Variants in ACSBG1 observed in about 807,000 individuals in gnomAD.
ACSBG1 encodes the protein long-chain-fatty-acid--CoA ligase ACSBG1.
Under a neutral mutation model 80.2 loss-of-function variants are expected in ACSBG1, and 39 were observed. That is an observed-to-expected ratio of 0.49 (90% confidence interval 0.38 to 0.64). ACSBG1 has a LOEUF of 0.64. ACSBG1 is among the 30% of genes least tolerant of loss of function. The probability of loss-of-function intolerance (pLI) is 0.00; values close to 1 mark genes in which losing one functional copy is unlikely to be tolerated. For synonymous variants in ACSBG1, 392 were observed against 379.5 expected, an observed-to-expected ratio of 1.03 and a Z score of -0.38; for missense variants, 828 against 966.4, an observed-to-expected ratio of 0.86 and a Z score of 1.90.
intron 1 of ACSBG1, among the ~76,000 whole-genome samples, chr15:78,232,526 A>T (rs35078436): frequency 0.18 from 27,496 of 152,016 alleles, 2,718 homozygotes; most frequent in African/African-American, 0.25. Context: ...GGCCTGAGAC[A>T]CAGGCTCCTG....
intron 1 of ACSBG1, among the ~76,000 whole-genome samples, chr15:78,209,907 C>A (rs961675538): frequency 6.6e-6 from 1 of 152,176 alleles, no homozygotes; most frequent in African/African-American, 2.4e-5. Context: ...TTTAAATCCT[C>A]CTAATCAAAA....
At chr15:78,222,749 A>G (rs1284649052) in intron 1 of ACSBG1, among the ~76,000 whole-genome samples, 1 of 152,242 alleles carries the variant, frequency 6.6e-6, no homozygotes, top group Non-Finnish European at 1.5e-5. Flanking sequence ...GGAAACTGAT[A>G]GAAATGATAA....
intron 5 of ACSBG1, among the ~76,000 whole-genome samples, chr15:78,184,579 A>G (rs28413000): frequency 0.043 from 6,525 of 152,310 alleles, 236 homozygotes; most frequent in African/African-American, 0.098. Flanking sequence ...ATTTTAAGGT[A>G]AAATAAAAGA....
At chr15:78,226,282 C>T (rs919458227) in intron 1 of ACSBG1, among the ~76,000 whole-genome samples, 1 of 152,048 alleles carries the variant, frequency 6.6e-6, no homozygotes, top group Non-Finnish European at 1.5e-5. Context: ...AGAAATGAAT[C>T]ACTAGATCCA....
intron 1 of ACSBG1, among the ~76,000 whole-genome samples, chr15:78,215,743 A>AAAGG (rs1567096297): frequency 1.5e-4 from 15 of 101,462 alleles, no homozygotes; most frequent in African/African-American, 5.6e-4. Context: ...AGAAAGAAAG[A>AAAGG]AAGAAAGAAA....
Position 78,180,135 on chromosome 15 carries a change from C to T in ACSBG1, c.1254-355G>A, listed in dbSNP as rs148297839. Among the ~76,000 whole-genome samples, 11 of 152,250 alleles carry T rather than the reference C, an allele frequency of 7.2e-5. No individual in the cohort carries two copies. In the East Asian group the frequency reaches 1.2e-3, roughly 16 times the overall value. ...GTATTCATGTATACACATGTACAAACGTGGGACCCCAGTGAAGCCCACAAA... is the reference window on the plus strand; with the variant it reads ...GTATTCATGTATACACATGTACAAATGTGGGACCCCAGTGAAGCCCACAAA... On this transcript the variant is annotated intron_variant, in intron 9 of 13. Transcript: ENST00000258873.
chr15:78,186,943 G>A (rs1197474723), intron 5 of ACSBG1, among the ~76,000 whole-genome samples: 4 of 151,882 alleles, frequency 2.6e-5, no homozygotes, highest in African/African-American at 9.7e-5. Context: ...TAATAAAGAA[G>A]AAAAGAGAGA....
chr15:78,214,143 AC>A (rs2075289577), intron 1 of ACSBG1, among the ~76,000 whole-genome samples: 1 of 151,420 alleles, frequency 6.6e-6, no homozygotes, highest in Non-Finnish European at 1.5e-5. Flanking sequence ...GCCTTCTAAT[AC>A]CCCCTCCACC....
At chr15:78,207,917 T>TCCCCCCCCCCCCCCCCCCC in intron 2 of ACSBG1, 85 bp downstream of exon 2, 2 of 876,066 alleles carry the variant, frequency 2.3e-6, no homozygotes, top group East Asian at 2.7e-5. Context: ...TGTGTGGTGG[T>TCCCCCCCCCCCCCCCCCCC]CCCCCACACC....
chr15:78,174,647 A>G, intron 11 of ACSBG1, 123 bp from the exon 12 acceptor site: 1 of 1,242,142 alleles, frequency 8.1e-7, no homozygotes. Context: ...CCTTTCTGGG[A>G]GCCAAGAAGC....
chr15:78,184,246 C>G (rs2074977374), intron 5 of ACSBG1, among the ~76,000 whole-genome samples: 1 of 152,066 alleles, frequency 6.6e-6, no homozygotes, highest in Non-Finnish European at 1.5e-5. Flanking sequence ...TGATCATGGC[C>G]CACTGCAGCC....
chr15:78,228,313 G>C (rs2075420242), intron 1 of ACSBG1, among the ~76,000 whole-genome samples: 1 of 152,194 alleles, frequency 6.6e-6, no homozygotes, highest in African/African-American at 2.4e-5. Flanking sequence ...AGATGAAACT[G>C]TGCTTTTGCG....
intron 1 of ACSBG1, chr15:78,212,710 G>T: frequency 2.4e-6 from 1 of 412,614 alleles, no homozygotes; most frequent in Non-Finnish European, 4.9e-6. Flanking sequence ...AGAGAGGCCC[G>T]GCTCCACCGG....
At chr15:78,230,326 C>T (rs769854168) in intron 1 of ACSBG1, among the ~76,000 whole-genome samples, 3 of 152,242 alleles carry the variant, frequency 2.0e-5, no homozygotes, top group Non-Finnish European at 2.9e-5. Flanking sequence ...ACTTGTGTGG[C>T]AGGGAAGGGA....
chr15:78,196,274 C>A (rs986487158), intron 2 of ACSBG1, among the ~76,000 whole-genome samples: 1 of 152,236 alleles, frequency 6.6e-6, no homozygotes, highest in Non-Finnish European at 1.5e-5. Flanking sequence ...TGCCCCATAT[C>A]CCGGGATGCT....
chr15:78,223,195 G>A (rs964477987), intron 1 of ACSBG1, among the ~76,000 whole-genome samples: 19 of 148,668 alleles, frequency 1.3e-4, no homozygotes, highest in African/African-American at 4.2e-4. Context: ...TTGAACGCGC[G>A]ATGTTGGAGA....
intron 1 of ACSBG1, among the ~76,000 whole-genome samples, chr15:78,232,818 G>A (rs1045588572): frequency 6.6e-6 from 1 of 152,012 alleles, no homozygotes; most frequent in Admixed American, 6.5e-5. Context: ...CTGAGTAGCT[G>A]GGATTACAGG....
chr15:78,226,033 G>A (rs1050661039), intron 1 of ACSBG1, among the ~76,000 whole-genome samples: 40 of 152,174 alleles, frequency 2.6e-4, no homozygotes, highest in African/African-American at 8.9e-4. Context: ...TACCACATGG[G>A]TCTGTCTTAG....
At position 78,194,653 on chromosome 15, in the gene ACSBG1, G is replaced by A. The variant is rs1037890770; in HGVS notation, c.306C>T (p.Pro102=). The A allele has an allele frequency of 6.2e-7, 1 of 1,614,222 alleles. No individual in the cohort carries two copies. The highest frequency in any genetic ancestry group is 8.5e-7 in the Non-Finnish European group (1 of 1,180,044). The change falls in exon 3 of 14, where the codon CCC becomes CCT. Residue 102 remains proline (P), a synonymous_variant. Coordinates refer to ENST00000258873, the MANE Select transcript of ACSBG1 (RefSeq NM_015162.5). ...LRIDPSCPQL[P]YTVHRMFYEA... is the part of the protein sequence containing the mutation. ...CGTAGAACATCCGATGCACAGTGTA[G>A]GGAAGCTGTGGGCAGCTGGGGTCTA...
Sources: allele counts gnomAD v4.1 joint callset (sites outside exome capture counted in the v4.1 genomes callset), GRCh38; gene constraint gnomAD v4.1.1; transcripts MANE v1.5; gene names NCBI Gene and HGNC (gene_info 2026-07-23, HGNC 2026-07-21).